PTPRE: variants seen among roughly 807,000 people sequenced by gnomAD.
PTPRE encodes receptor-type tyrosine-protein phosphatase epsilon.
In PTPRE, 51 loss-of-function variants were observed where a neutral mutation model predicts 102.0. That is an observed-to-expected ratio of 0.50 (90% CI 0.40 to 0.63). The LOEUF (loss-of-function observed/expected upper bound fraction) is 0.63. Ranked by LOEUF, PTPRE falls within the 30% of genes least tolerant of loss-of-function variation. The probability of loss-of-function intolerance (pLI) is 0.00; values close to 1 mark genes in which losing one functional copy is unlikely to be tolerated. For synonymous variants in PTPRE, 345 were observed against 348.2 expected, an observed-to-expected ratio of 0.99 and a Z score of 0.10; for missense variants, 752 against 915.1, an observed-to-expected ratio of 0.82 and a Z score of 2.30.
intron 2 of PTPRE, among the ~76,000 whole-genome samples, chr10:128,034,530 C>T (rs545358927): frequency 1.7e-3 from 252 of 150,696 alleles, no homozygotes; most frequent in African/African-American, 6.0e-3. Flanking sequence ...CCCATCTTTA[C>T]GAAAAAAAGT....
intron 1 of PTPRE, among the ~76,000 whole-genome samples, chr10:127,935,230 G>A (rs557850511): frequency 2.0e-5 from 3 of 152,142 alleles, no homozygotes; most frequent in African/African-American, 4.8e-5. Context: ...CCAGGCTGCC[G>A]GGGCTTCCAG....
chr10:128,082,354 G>T (rs1460931080), intron 20 of PTPRE, among the ~76,000 whole-genome samples: 8 of 151,042 alleles, frequency 5.3e-5, no homozygotes, highest in African/African-American at 1.7e-4. Flanking sequence ...TGGGACTATG[G>T]GTGTGCACCA....
intron 11 of PTPRE, among the ~76,000 whole-genome samples, chr10:128,067,711 C>G (rs1554945186): frequency 6.6e-6 from 1 of 152,214 alleles, no homozygotes; most frequent in Non-Finnish European, 1.5e-5. Context: ...CATCTGTCCT[C>G]CCAAATGTAA....
At chr10:128,044,602 G>C (rs991666522) in intron 3 of PTPRE, among the ~76,000 whole-genome samples, 1 of 152,140 alleles carries the variant, frequency 6.6e-6, no homozygotes, top group African/African-American at 2.4e-5. Context: ...GTATAAAATT[G>C]GTGTGAACAT....
chr10:128,069,567 TC>T, intron 12 of PTPRE, 124 bp from the exon 13 acceptor site: 1 of 1,327,576 alleles, frequency 7.5e-7, no homozygotes, highest in Non-Finnish European at 1.0e-6. Flanking sequence ...GTAGCTTTGC[TC>T]CTAATTAACC....
In PTPRE at chr10:127,907,450, C is replaced by T; in HGVS notation, c.-31+141C>T. ...CGGGGCTCAGAGTCCGGACCCCGGC[C>T]CCGCCGCCCCCGCGGCGCGCCCAGT... is the stretch of plus-strand genomic sequence containing the variant. On this transcript the variant is annotated intron_variant, in intron 1 of 20. Coordinates refer to ENST00000254667, the MANE Select transcript of PTPRE (RefSeq NM_006504.6). This position sits in a 1 kb window ranked among gnomAD's most constrained non-coding sequence, Gnocchi z 4.8. 1 of 539,136 alleles carries T rather than the reference C, an allele frequency of 1.9e-6. No homozygotes were observed. Among genetic ancestry groups the T allele is most frequent in the Non-Finnish European group, 2.4e-6 (1 of 423,260 alleles). 33.4% of individuals were successfully genotyped at this position (539,136 alleles called of 1,614,324 possible).
rs537691631 is a variant in PTPRE, at chr10:127,974,622, A to G, written c.-30-7652A>G. Among the ~76,000 whole-genome samples, 8 of 152,254 alleles carry G rather than the reference A, an allele frequency of 5.3e-5. No individual in the cohort carries two copies. In the East Asian group the frequency reaches 1.5e-3, roughly 29 times the overall value. On this transcript the variant is annotated intron_variant, in intron 1 of 20. Transcript: ENST00000254667. The stretch of plus-strand genomic sequence containing the variant: ...GAGGTTCTGTCCATGTATTTTTTTT[A>G]ATCTCTAAATCCTAAGCAATTGGCA...
intron 2 of PTPRE, among the ~76,000 whole-genome samples, chr10:128,005,497 C>G (rs534517011): frequency 6.6e-6 from 1 of 152,344 alleles, no homozygotes; most frequent in Admixed American, 6.5e-5. Flanking sequence ...TGGTGATACT[C>G]GGCCTCCTAT....
At position 128,070,700 on chromosome 10, in the gene PTPRE, G is replaced by T. The variant is rs920401651; in HGVS notation, c.1294-108G>T. The T allele has an allele frequency of 7.8e-7, 1 of 1,283,396 alleles. No individual in the cohort carries two copies. The highest frequency in any genetic ancestry group is 2.5e-5 in the East Asian group (1 of 40,120). The allele number at this position is 1,283,396 out of a possible 1,614,324, so 79.5% of individuals were successfully genotyped here. On this transcript the variant is annotated intron_variant, in intron 14 of 20. Coordinates refer to ENST00000254667, the MANE Select transcript of PTPRE (RefSeq NM_006504.6). This position sits in a 1 kb window ranked among gnomAD's most constrained non-coding sequence, Gnocchi z 4.8. ...AAGGAGGCTTCCTGGGTTGGAGAGT[G>T]GTTTCCTTTGAGCAGGCGTCCTTGC...
At chr10:127,987,208 A>G (rs549449314) in intron 2 of PTPRE, 2 of 585,806 alleles carry the variant, frequency 3.4e-6, no homozygotes, top group East Asian at 1.8e-4. Context: ...GGCGTTAATC[A>G]GTCACAGTTT....
At chr10:127,958,039 T>C (rs535870642) in intron 1 of PTPRE, among the ~76,000 whole-genome samples, 395 of 152,378 alleles carry the variant, frequency 2.6e-3, no homozygotes, top group African/African-American at 9.1e-3. Context: ...ATTAACTTTA[T>C]ACCCTGAAAC....
intron 7 of PTPRE, among the ~76,000 whole-genome samples, chr10:128,057,471 C>T (rs189190299): frequency 3.6e-3 from 541 of 152,278 alleles, no homozygotes; most frequent in African/African-American, 0.011. Context: ...AATGCTGCTC[C>T]CTGCTGCATT....
At chr10:127,939,477 A>G (rs944745915) in intron 1 of PTPRE, among the ~76,000 whole-genome samples, 2 of 152,204 alleles carry the variant, frequency 1.3e-5, no homozygotes, top group African/African-American at 4.8e-5. Flanking sequence ...AGGCCCAAAC[A>G]CAGGATTCTT....
At position 128,044,094 on chromosome 10, in the gene PTPRE, G is replaced by A. The variant is rs547820633; in HGVS notation, c.109+3104G>A. 5.9e-5 allele frequency among the ~76,000 whole-genome samples: 9 copies of A among 152,270 alleles called. No individual in the cohort carries two copies. In the East Asian group the frequency reaches 7.7e-4, roughly 13 times the overall value. Reference sequence around the variant, plus strand: ...TTCCCAAACCTGCATATTTATGAACGTAAATTTATAGAAGAAAATGTCAGG... The same window carrying A: ...TTCCCAAACCTGCATATTTATGAACATAAATTTATAGAAGAAAATGTCAGG... On this transcript the variant is annotated intron_variant, in intron 3 of 20. Coordinates refer to ENST00000254667, the MANE Select transcript of PTPRE (RefSeq NM_006504.6).
chr10:128,039,164 T>C (rs1413062706), intron 2 of PTPRE, among the ~76,000 whole-genome samples: 1 of 152,228 alleles, frequency 6.6e-6, no homozygotes, highest in Non-Finnish European at 1.5e-5. Flanking sequence ...ATTGTGGCAG[T>C]GTGCAATACC....
chr10:128,053,677 C>T (rs528453141), intron 6 of PTPRE, among the ~76,000 whole-genome samples: 12 of 152,236 alleles, frequency 7.9e-5, no homozygotes, highest in African/African-American at 1.2e-4. Context: ...GCCAGGAACA[C>T]GCAACCGTGG....
chr10:128,067,789 G>C (rs1199990198), intron 11 of PTPRE, among the ~76,000 whole-genome samples: 1 of 152,248 alleles, frequency 6.6e-6, no homozygotes, highest in Non-Finnish European at 1.5e-5. Context: ...AGGTGGGACT[G>C]TCCAGGCAAG....
At chr10:127,994,901 G>C (rs1853094598) in intron 2 of PTPRE, among the ~76,000 whole-genome samples, 1 of 152,094 alleles carries the variant, frequency 6.6e-6, no homozygotes, top group Non-Finnish European at 1.5e-5. Context: ...CCATCCCTAG[G>C]ATTCCTAAGA....
chr10:127,979,480 T>A (rs1419527666), intron 1 of PTPRE, among the ~76,000 whole-genome samples: 1 of 152,232 alleles, frequency 6.6e-6, no homozygotes. Context: ...TACTATCATG[T>A]GTGAGCCACA....
Sources: gnomAD v4.1 joint callset for allele counts (sites outside exome capture counted in the v4.1 genomes callset) on GRCh38, gnomAD v4.1.1 for gene constraint, Gnocchi (gnomAD v3.1) non-coding constraint, MANE v1.5 for transcripts, NCBI Gene and HGNC (gene_info 2026-07-23, HGNC 2026-07-21) for gene names.